UNKL: variants seen among roughly 807,000 people sequenced by gnomAD.
UNKL encodes the protein unk like zinc finger, also known as putative E3 ubiquitin-protein ligase UNKL.
In UNKL, 60 loss-of-function variants were observed where a neutral mutation model predicts 78.0. The ratio of observed to expected loss-of-function variants is 0.77; its 90% CI spans 0.63 to 0.95. The LOEUF is 0.95. UNKL is among the 40% of genes least tolerant of loss of function. UNKL has a pLI of 0.00. For missense variants in UNKL, 1,159 were observed against 1,045.7 expected (o/e 1.11, Z -1.49); for synonymous variants, 608 against 474.8 (o/e 1.28, Z -3.65).
chr16:1,410,392 G>A (rs2037985118), intron 2 of UNKL, among the ~76,000 whole-genome samples: 1 of 152,226 alleles, frequency 6.6e-6, no homozygotes, highest in South Asian at 2.1e-4. Flanking sequence ...TGGATCACCT[G>A]AGGTCAGGAG....
chr16:1,382,284 GAGA>G, intron 10 of UNKL, among the ~76,000 whole-genome samples: 1 of 152,358 alleles, frequency 6.6e-6, no homozygotes, highest in Non-Finnish European at 1.5e-5. Flanking sequence ...GAGGCTCCGA[GAGA>G]AGATGACTTC....
chr16:1,413,819 C>G (rs554106802), intron 2 of UNKL, 27 bp downstream of exon 2: 1 of 1,499,070 alleles, frequency 6.7e-7, no homozygotes, highest in Non-Finnish European at 8.9e-7. Context: ...TCCGCCCAGG[C>G]AGCGGCGCCC....
Position 1,399,163 on chromosome 16 carries a change from C to T in UNKL, c.734+211G>A, listed in dbSNP as rs531018768. ...AGGGGACTGCATGGGAGACACTGAG[C>T]GTAGGTGGGGAGGCCCATCCCCAGG... On this transcript the variant is annotated intron_variant, in intron 5 of 14. Coordinates refer to ENST00000389221, the MANE Select transcript of UNKL (RefSeq NM_001372107.1). The surrounding 1 kb of genome is among the most constrained non-coding windows in gnomAD (Gnocchi z 5.8). 8.6e-5 allele frequency: 95 copies of T among 1,108,412 alleles called. 1 individual carries two copies. Among genetic ancestry groups the T allele is most frequent in the Non-Finnish European group, 1.1e-4 (92 of 805,604 alleles). 68.7% of individuals were successfully genotyped at this position (1,108,412 alleles called of 1,614,324 possible).
At chr16:1,402,088 T>C (rs893881895) in intron 3 of UNKL, among the ~76,000 whole-genome samples, 28 of 152,330 alleles carry the variant, frequency 1.8e-4, no homozygotes, top group Non-Finnish European at 3.8e-4. Context: ...CGGAGTTTTG[T>C]GTGGGCAGGA....
chr16:1,369,885 G>A, intron 12 of UNKL: 1 of 1,478,112 alleles, frequency 6.8e-7, no homozygotes, highest in Middle Eastern at 1.9e-4. Flanking sequence ...TGAGGCAGGA[G>A]AATTGCTTGA....
At chr16:1,391,742 C>T (rs942795727) in intron 8 of UNKL, among the ~76,000 whole-genome samples, 3 of 152,130 alleles carry the variant, frequency 2.0e-5, no homozygotes, top group Non-Finnish European at 4.4e-5. Flanking sequence ...GGCTGGAGTG[C>T]AGTGGCGCGA....
chr16:1,370,360 G>A lies in UNKL; in HGVS notation c.1358-3C>T, dbSNP rs2141960397. ...AGAGCCGGCCAGCGACCTGGGACCT[G>A]GCGGGGGCGGACCAGTCAGCGAAGG... On this transcript the variant is annotated splice_region_variant and splice_polypyrimidine_tract_variant and intron_variant, in intron 11 of 14. Coordinates refer to ENST00000389221, the MANE Select transcript of UNKL (RefSeq NM_001372107.1). 2 of 1,532,476 alleles carry A rather than the reference G, an allele frequency of 1.3e-6. No homozygotes were observed. Among genetic ancestry groups the A allele is most frequent in the East Asian group, 4.9e-5 (2 of 40,852 alleles). The allele number at this position is 1,532,476 out of a possible 1,614,324, so 94.9% of individuals were successfully genotyped here.
intron 2 of UNKL, chr16:1,405,999 G>T: frequency 2.2e-6 from 1 of 456,748 alleles, no homozygotes; most frequent in Non-Finnish European, 4.4e-6. Flanking sequence ...CGTGGCCCAT[G>T]TGGTCCCCCC....
At chr16:1,400,815 G>A (rs957273821) in intron 4 of UNKL, among the ~76,000 whole-genome samples, 4 of 151,940 alleles carry the variant, frequency 2.6e-5, no homozygotes, top group Non-Finnish European at 4.4e-5. Flanking sequence ...AGCCTCCCAA[G>A]TAGCTGGGAT....
At chr16:1,395,165 ATTT>A (rs35706255) in intron 6 of UNKL, among the ~76,000 whole-genome samples, 5 of 105,522 alleles carry the variant, frequency 4.7e-5, no homozygotes, top group Admixed American at 1.0e-4. Context: ...CGGTCTGTTC[ATTT>A]TTTTTTTTTT....
intron 12 of UNKL, among the ~76,000 whole-genome samples, chr16:1,369,570 T>C (rs1034972091): frequency 2.2e-4 from 33 of 152,132 alleles, no homozygotes; most frequent in Non-Finnish European, 4.0e-4. Flanking sequence ...GGTTTCTCCA[T>C]GTTGGTCAGG....
intron 1 of UNKL, 128 bp downstream of exon 1, chr16:1,414,486 GC>G (rs1367512320): frequency 3.7e-5 from 7 of 189,090 alleles, no homozygotes; most frequent in East Asian, 1.8e-4. Context: ...GAGGGTCGTG[GC>G]CCCCCCAGCC....
chr16:1,395,662 G>A (rs779051816), intron 6 of UNKL: 21 of 454,404 alleles, frequency 4.6e-5, no homozygotes, highest in Middle Eastern at 7.3e-4. Context: ...GGGCCCAGGC[G>A]GGAGGGTTTA....
rs745910427 is a variant in UNKL at position 1,392,927 on chromosome 16, C to T, written c.987G>A (p.Thr329=). 4.5e-6 allele frequency: 7 copies of T among 1,550,556 alleles called. No homozygotes were observed. The highest frequency in any genetic ancestry group is 1.2e-5 in the South Asian group (1 of 84,068). Residue 329 remains threonine (T), a synonymous_variant, in exon 8 of 15, where the codon ACG becomes ACA. Coordinates refer to ENST00000389221, the MANE Select transcript of UNKL (RefSeq NM_001372107.1). The part of the protein sequence containing the change: ...NEWGCHDLHL[T]SPSSTGSGQP... Reference sequence around the variant, plus strand: ...GGCCGCTGCCCGTGGAGGAAGGACTCGTGAGGTGGAGGTCGTGACAGCCCC... The same window carrying T: ...GGCCGCTGCCCGTGGAGGAAGGACTTGTGAGGTGGAGGTCGTGACAGCCCC...
chr16:1,401,707 AG>A lies in UNKL; in HGVS notation c.465-7del. The stretch of plus-strand genomic sequence containing the variant: ...CTTCCTGGGCCTGCAGCTCCCTGCA[AG>A]CCGAGGACACAGTGGTCACAGCTCT... On this transcript the variant is annotated splice_region_variant and splice_polypyrimidine_tract_variant and intron_variant, in intron 3 of 14. Coordinates refer to ENST00000389221, the MANE Select transcript of UNKL (RefSeq NM_001372107.1). 6.2e-7 allele frequency: 1 copy of A among 1,606,322 alleles called. No individual in the cohort carries two copies. The highest frequency in any genetic ancestry group is 8.5e-7 in the Non-Finnish European group (1 of 1,177,514).
Position 1,387,586 on chromosome 16 carries a change from G to A in UNKL, c.1087-2201C>T, listed in dbSNP as rs2036864813. Among the ~76,000 whole-genome samples the A allele has an allele frequency of 1.3e-5, 2 of 152,196 alleles. No individual in the cohort carries two copies. The highest frequency in any genetic ancestry group is 4.8e-5 in the African/African-American group (2 of 41,444). ...AAGGACAGGGCCACCTGGGCTGTGG[G>A]GCTGAGGAGGCAGGCACCAGCAAGG... On this transcript the variant is annotated intron_variant, in intron 9 of 14. Transcript: ENST00000389221. This position sits in a 1 kb window ranked among gnomAD's most constrained non-coding sequence, Gnocchi z 4.1.
chr16:1,382,355 A>G (rs966661951), intron 10 of UNKL, among the ~76,000 whole-genome samples: 4 of 152,246 alleles, frequency 2.6e-5, no homozygotes, highest in Non-Finnish European at 2.9e-5. Context: ...TGAGCCCTCC[A>G]TGGCAAGGCA....
intron 6 of UNKL, chr16:1,395,707 C>T (rs1174649229): frequency 1.8e-5 from 8 of 456,474 alleles, no homozygotes; most frequent in African/African-American, 8.0e-5. Context: ...CTGTGGCCCA[C>T]GTGGTGCCAG....
At chr16:1,391,778 C>T (rs2037061823) in intron 8 of UNKL, among the ~76,000 whole-genome samples, 2 of 152,210 alleles carry the variant, frequency 1.3e-5, no homozygotes, top group Admixed American at 6.5e-5. Flanking sequence ...AGCTCCACCT[C>T]CCGGGTTCAA....
Sources: gnomAD v4.1 joint callset for allele counts (sites outside exome capture counted in the v4.1 genomes callset) on GRCh38, gnomAD v4.1.1 for gene constraint, Gnocchi (gnomAD v3.1) non-coding constraint, MANE v1.5 for transcripts, NCBI Gene and HGNC (gene_info 2026-07-23, HGNC 2026-07-21) for gene names.